SLC35F4: variants seen among roughly 807,000 people sequenced by gnomAD.
SLC35F4 encodes solute carrier family 35 member F4.
A neutral mutation model predicts 44.2 loss-of-function variants in SLC35F4; 24 were observed. The ratio of observed to expected loss-of-function variants is 0.54; its 90% CI spans 0.39 to 0.76. The LOEUF (loss-of-function observed/expected upper bound fraction) is 0.76. Ranked by LOEUF, SLC35F4 falls within the 30% of genes least tolerant of loss-of-function variation. SLC35F4 has a pLI of 0.00. For synonymous variants in SLC35F4, 238 were observed against 223.6 expected (o/e 1.06, Z -0.57); for missense variants, 562 against 586.1 (o/e 0.96, Z 0.42).
intron 1 of SLC35F4, among the ~76,000 whole-genome samples, chr14:57,683,211 G>C (rs977349191): frequency 6.6e-6 from 1 of 152,090 alleles, no homozygotes; most frequent in Admixed American, 6.6e-5. Context: ...TTACTATAGC[G>C]AGCAGAAAGG....
At chr14:57,913,011 T>G (rs916267232) in intron 1 of SLC35F4, among the ~76,000 whole-genome samples, 12 of 152,134 alleles carry the variant, frequency 7.9e-5, no homozygotes, top group African/African-American at 2.7e-4. Context: ...TTTATCATTA[T>G]GTAATGCCCC....
At chr14:57,924,504 A>C (rs1394485350) in intron 1 of SLC35F4, among the ~76,000 whole-genome samples, 1 of 151,664 alleles carries the variant, frequency 6.6e-6, no homozygotes, top group Non-Finnish European at 1.5e-5. Context: ...GCTGGGGTGC[A>C]ATGGCGCTAT....
chr14:57,709,114 G>C (rs1049883834), intron 1 of SLC35F4, among the ~76,000 whole-genome samples: 11 of 152,178 alleles, frequency 7.2e-5, no homozygotes, highest in African/African-American at 2.7e-4. Context: ...AGGCCCAACT[G>C]ATGGCAGGCC....
At chr14:57,936,923 C>T (rs1889807401) in intron 1 of SLC35F4, among the ~76,000 whole-genome samples, 1 of 152,098 alleles carries the variant, frequency 6.6e-6, no homozygotes, top group Non-Finnish European at 1.5e-5. Context: ...GCCAGCTTAT[C>T]CAAAAGGAGA....
At chr14:57,974,749 A>T (rs911702447), downstream of SLC35F4, among the ~76,000 whole-genome samples, 1 of 152,160 alleles carries the variant, frequency 6.6e-6, no homozygotes, top group African/African-American at 2.4e-5. Context: ...AAAATCTGTA[A>T]AAGGAGGATA....
intron 1 of SLC35F4, among the ~76,000 whole-genome samples, chr14:57,948,006 C>T (rs577074275): frequency 6.6e-6 from 1 of 151,874 alleles, no homozygotes; most frequent in South Asian, 2.1e-4. Context: ...TATATCCTTC[C>T]CTGATTTTGG....
At chr14:57,854,357 C>T (rs1214915460) in intron 1 of SLC35F4, among the ~76,000 whole-genome samples, 1 of 151,792 alleles carries the variant, frequency 6.6e-6, no homozygotes, top group Non-Finnish European at 1.5e-5. Flanking sequence ...TATGTAGAAA[C>T]ATGTAAATAC....
At chr14:57,929,529 G>A (rs1889651850) in intron 1 of SLC35F4, among the ~76,000 whole-genome samples, 1 of 152,010 alleles carries the variant, frequency 6.6e-6, no homozygotes, top group Non-Finnish European at 1.5e-5. Flanking sequence ...TGTAGCTGTT[G>A]AGTAGTGTCC....
intron 1 of SLC35F4, among the ~76,000 whole-genome samples, chr14:57,938,202 A>C (rs1036078858): frequency 1.3e-5 from 2 of 152,190 alleles, no homozygotes; most frequent in Admixed American, 6.5e-5. Flanking sequence ...TCAGAAATCC[A>C]GTAGCCAAAC....
chr14:57,810,443 G>T (rs991002320), intron 1 of SLC35F4, among the ~76,000 whole-genome samples: 2 of 152,186 alleles, frequency 1.3e-5, no homozygotes, highest in African/African-American at 4.8e-5. Context: ...TTTGTTTACA[G>T]CAGTTTAGAA....
intron 1 of SLC35F4, among the ~76,000 whole-genome samples, chr14:57,652,602 A>T (rs1268626079): frequency 6.6e-6 from 1 of 152,082 alleles, no homozygotes; most frequent in East Asian, 1.9e-4. Flanking sequence ...GGATGCTGCT[A>T]AACAGCCTAC....
chr14:57,721,345 C>T (rs1245835180), intron 1 of SLC35F4, among the ~76,000 whole-genome samples: 1 of 152,048 alleles, frequency 6.6e-6, no homozygotes, highest in African/African-American at 2.4e-5. Context: ...GTACATAATA[C>T]CTTTGACCAT....
At chr14:57,910,835 G>C (rs1889203635) in intron 1 of SLC35F4, among the ~76,000 whole-genome samples, 1 of 151,862 alleles carries the variant, frequency 6.6e-6, no homozygotes, top group African/African-American at 2.4e-5. Flanking sequence ...GATGTTTATT[G>C]GGATTGTGTT....
chr14:57,853,309 G>C (rs1056425701), intron 1 of SLC35F4, among the ~76,000 whole-genome samples: 14 of 152,116 alleles, frequency 9.2e-5, no homozygotes, highest in African/African-American at 3.1e-4. Flanking sequence ...CACTCTAAGG[G>C]CTCTCAGGGC....
At chr14:57,762,606 G>A (rs888111330) in intron 1 of SLC35F4, among the ~76,000 whole-genome samples, 3 of 152,136 alleles carry the variant, frequency 2.0e-5, no homozygotes, top group Non-Finnish European at 4.4e-5. Context: ...GGAACTTTAA[G>A]AAATGATTAG....
intron 1 of SLC35F4, among the ~76,000 whole-genome samples, chr14:57,626,027 A>G (rs947016014): frequency 1.3e-5 from 2 of 151,302 alleles, no homozygotes; most frequent in African/African-American, 2.4e-5. Flanking sequence ...TTGCAGGGAC[A>G]TGGATGAAGC....
intron 1 of SLC35F4, among the ~76,000 whole-genome samples, chr14:57,863,249 C>T (rs75042637): frequency 0.02 from 3,120 of 152,268 alleles, 42 homozygotes; most frequent in Admixed American, 0.034. Flanking sequence ...AAAACAAATG[C>T]CCTATTGCCC....
Position 57,589,385 on chromosome 14 carries a change from A to G in SLC35F4, c.418T>C (p.Ser140Pro). 6.2e-7 allele frequency: 1 copy of G among 1,613,978 alleles called. No individual in the cohort carries two copies. The highest frequency in any genetic ancestry group is 8.5e-7 in the Non-Finnish European group (1 of 1,179,888). Residue 140 changes from serine (S) to proline (P), a missense_variant, in exon 3 of 8, where the codon TCA (serine) becomes CCA (proline). By Grantham distance (74) the Ser-to-Pro change is moderately conservative. Transcript: ENST00000556826. ...ATCTGTGTAGTTCCAACCCAAGATG[A>G]TGATACTGACAAGATGATCAAGAGT... Reference protein sequence around the residue: ...WGLLIILSVSSSWVGTTQIVK... With the variant: ...WGLLIILSVSPSWVGTTQIVK...
intron 1 of SLC35F4, among the ~76,000 whole-genome samples, chr14:57,933,979 G>A (rs1393260318): frequency 1.3e-5 from 2 of 152,108 alleles, no homozygotes; most frequent in African/African-American, 4.8e-5. Flanking sequence ...CTAGGGGTTT[G>A]CCATCGGTCT....
Sources: gnomAD v4.1 joint callset for allele counts (sites outside exome capture counted in the v4.1 genomes callset) on GRCh38, gnomAD v4.1.1 for gene constraint, MANE v1.5 for transcripts, NCBI Gene and HGNC (gene_info 2026-07-23, HGNC 2026-07-21) for gene names.